The following PCDHAC1 variants were observed in gnomAD, a reference collection of about 807,000 sequenced individuals.
The protein encoded by PCDHAC1 is protocadherin alpha-C1.
Under a neutral mutation model 60.0 loss-of-function variants are expected in PCDHAC1, and 42 were observed. That is an observed-to-expected ratio of 0.70 (90% CI 0.55 to 0.90). The LOEUF (loss-of-function observed/expected upper bound fraction) is 0.90. PCDHAC1 is among the 40% of genes least tolerant of loss of function. The pLI is 0.00. For missense variants in PCDHAC1, 1,160 were observed against 1,222.3 expected, an observed-to-expected ratio of 0.95 and a Z score of 0.76; for synonymous variants, 468 against 499.3, an observed-to-expected ratio of 0.94 and a Z score of 0.84.
At chr5:141,009,179 G>C (rs1343163889) in intron 3 of PCDHAC1, among the ~76,000 whole-genome samples, 2 of 152,212 alleles carry the variant, frequency 1.3e-5, no homozygotes, top group Non-Finnish European at 2.9e-5. Flanking sequence ...CCTTGGCTGG[G>C]TGTGGTAGCT....
At position 140,979,015 on chromosome 5, in the gene PCDHAC1, T is replaced by C. The variant is rs782169362; in HGVS notation, c.2492+8T>C. ...GAGAGCAGGCATGCACAGGTATGTATTTCCCTCCTCATTCACTCAGAAGTA... is the reference window on the plus strand; with the variant it reads ...GAGAGCAGGCATGCACAGGTATGTACTTCCCTCCTCATTCACTCAGAAGTA... On this transcript the variant is annotated splice_region_variant and intron_variant, in intron 2 of 3. Coordinates refer to ENST00000253807, the MANE Select transcript of PCDHAC1 (RefSeq NM_018898.5). 1 of 1,613,802 alleles carries C rather than the reference T, an allele frequency of 6.2e-7. No individual in the cohort carries two copies. Among genetic ancestry groups the C allele is most frequent in the Non-Finnish European group, 8.5e-7 (1 of 1,179,916 alleles).
intron 3 of PCDHAC1, 39 bp from the exon 4 acceptor site, chr5:141,009,588 G>A: frequency 6.3e-7 from 1 of 1,598,586 alleles, no homozygotes; most frequent in Non-Finnish European, 8.5e-7. Context: ...AAGAGCATGT[G>A]TTGACCCTGT....
chr5:140,992,017 C>CTGTGTGTGTGTG (rs10602499), intron 3 of PCDHAC1, among the ~76,000 whole-genome samples: 10 of 145,628 alleles, frequency 6.9e-5, no homozygotes, highest in African/African-American at 2.3e-4. Flanking sequence ...AGAGGTGGCT[C>CTGTGTGTGTGTG]TGTGTGTGTG....
At chr5:140,983,473 ATAG>A (rs746174585) in intron 3 of PCDHAC1, among the ~76,000 whole-genome samples, 7 of 152,242 alleles carry the variant, frequency 4.6e-5, no homozygotes, top group Admixed American at 6.5e-5. Flanking sequence ...CATGATGATA[ATAG>A]TAGTTACTAA....
intron 1 of PCDHAC1, among the ~76,000 whole-genome samples, chr5:140,937,911 CAAAA>C (rs200797202): frequency 8.5e-6 from 1 of 117,894 alleles, no homozygotes; most frequent in Non-Finnish European, 1.9e-5. Context: ...GACTCCGTCT[CAAAA>C]AAAAAAAAAA....
rs1554244374 is a variant in PCDHAC1 at position 140,982,509 on chromosome 5, GC to G, written c.2528del (p.Ala843ValfsTer85). ...VHLEEAGILR[A>X]GPGGPDQQWP... is the part of the protein sequence containing the mutation. ...CCTAGAGGAGGCTGGCATTCTACGGGCTGGTCCAGGAGGGCCTGATCAGCAG... is the reference window on the plus strand; with the variant it reads ...CCTAGAGGAGGCTGGCATTCTACGGGTGGTCCAGGAGGGCCTGATCAGCAG... On this transcript the variant is annotated frameshift_variant, in exon 3 of 4. Transcript: ENST00000253807. LOFTEE classifies it high-confidence loss of function. 6.2e-7 allele frequency: 1 copy of G among 1,614,206 alleles called. No homozygotes were observed. Among genetic ancestry groups the G allele is most frequent in the Non-Finnish European group, 8.5e-7 (1 of 1,180,032 alleles).
intron 1 of PCDHAC1, chr5:140,969,554 TC>T: frequency 8.2e-7 from 1 of 1,222,072 alleles, no homozygotes; most frequent in Non-Finnish European, 1.1e-6. Context: ...TGAAGCCTTG[TC>T]CATAAAATTG....
chr5:140,968,099 G>A, intron 1 of PCDHAC1: 3 of 1,614,100 alleles, frequency 1.9e-6, no homozygotes, highest in South Asian at 1.1e-5. Flanking sequence ...CACAGATGGG[G>A]GAATACCGCA....
At chr5:140,972,829 A>T (rs1554234573) in intron 1 of PCDHAC1, among the ~76,000 whole-genome samples, 2 of 151,928 alleles carry the variant, frequency 1.3e-5, no homozygotes, top group African/African-American at 4.8e-5. Flanking sequence ...ACGCCTGGCT[A>T]ATTTTTGTAT....
rs556197231 is a variant in PCDHAC1, at chr5:140,969,709, A to C, written c.2434-9240A>C. The stretch of plus-strand genomic sequence containing the variant: ...AAATGGCCTCTGCTGTATCATCTAC[A>C]GGGAAATTTTTCTTTTGAAATCCTA... On this transcript the variant is annotated intron_variant, in intron 1 of 3. Transcript: ENST00000253807. Among the ~76,000 whole-genome samples, 11 of 152,304 alleles carry C rather than the reference A, an allele frequency of 7.2e-5. No individual in the cohort carries two copies. The East Asian group carries it at 1.5e-3, about 21-fold the overall frequency.
chr5:140,932,398 T>TA (rs1472151465), intron 1 of PCDHAC1, among the ~76,000 whole-genome samples: 1 of 151,960 alleles, frequency 6.6e-6, no homozygotes, highest in Non-Finnish European at 1.5e-5. Flanking sequence ...AGTTTCAACA[T>TA]ACCAATGTTA....
chr5:140,933,306 G>A (rs1159375359), intron 1 of PCDHAC1, among the ~76,000 whole-genome samples: 1 of 151,920 alleles, frequency 6.6e-6, no homozygotes, highest in African/African-American at 2.4e-5. Context: ...AAATAAATAT[G>A]CAATCTCGTA....
chr5:140,968,553 G>C (rs782583876), intron 1 of PCDHAC1: 4 of 1,614,132 alleles, frequency 2.5e-6, no homozygotes, highest in South Asian at 1.1e-5. Context: ...ATGGTGCCTC[G>C]AACTGCCCCT....
chr5:140,947,760 A>G (rs1332466215), intron 1 of PCDHAC1, among the ~76,000 whole-genome samples: 1 of 151,618 alleles, frequency 6.6e-6, no homozygotes, highest in Admixed American at 6.6e-5. Context: ...TTATGGTTTA[A>G]AAAATTCTAT....
intron 3 of PCDHAC1, among the ~76,000 whole-genome samples, chr5:141,000,403 A>G (rs1233777704): frequency 4.8e-5 from 4 of 84,110 alleles, no homozygotes; most frequent in Non-Finnish European, 9.0e-5. Context: ...CTCTATATAT[A>G]TATATATATA....
chr5:140,944,697 T>C (rs1227405627), intron 1 of PCDHAC1, among the ~76,000 whole-genome samples: 1 of 152,198 alleles, frequency 6.6e-6, no homozygotes, highest in Non-Finnish European at 1.5e-5. Context: ...ATAACAGTAA[T>C]TATCAGGTTA....
chr5:140,962,047 C>T (rs1288087343), intron 1 of PCDHAC1, among the ~76,000 whole-genome samples: 2 of 151,982 alleles, frequency 1.3e-5, no homozygotes, highest in South Asian at 2.1e-4. Context: ...CCATGCCTGG[C>T]TAATTTTTTT....
chr5:140,980,294 A>G (rs1325974235), intron 2 of PCDHAC1, among the ~76,000 whole-genome samples: 1 of 152,234 alleles, frequency 6.6e-6, no homozygotes, highest in Non-Finnish European at 1.5e-5. Context: ...TACCAAAGCT[A>G]TGAGTTGTGC....
In PCDHAC1 at chr5:140,995,657, A is replaced by C. The variant is rs188298109; in HGVS notation, c.2581+13094A>C. Among the ~76,000 whole-genome samples, 56 of 152,328 alleles carry C rather than the reference A, an allele frequency of 3.7e-4. No homozygotes were observed. The East Asian group carries it at 7.7e-3, about 21-fold the overall frequency. Reference sequence around the variant, plus strand: ...AGTGTTTAGAAAAGGAGAATCGAAAAGGGAAGTAAATGCAGCATTTTTTTT... The same window carrying C: ...AGTGTTTAGAAAAGGAGAATCGAAACGGGAAGTAAATGCAGCATTTTTTTT... On this transcript the variant is annotated intron_variant, in intron 3 of 3. Coordinates refer to ENST00000253807, the MANE Select transcript of PCDHAC1 (RefSeq NM_018898.5).
Sources: gnomAD v4.1 joint callset for allele counts (sites outside exome capture counted in the v4.1 genomes callset) on GRCh38, gnomAD v4.1.1 for gene constraint, MANE v1.5 for transcripts, NCBI Gene and HGNC (gene_info 2026-07-23, HGNC 2026-07-21) for gene names.